DMGDH: variants seen among roughly 807,000 people sequenced by gnomAD.
DMGDH encodes the protein dimethylglycine dehydrogenase, mitochondrial.
A neutral mutation model predicts 95.2 loss-of-function variants in DMGDH; 76 were observed. That is an observed-to-expected ratio of 0.80 (90% CI 0.66 to 0.97). DMGDH has a LOEUF of 0.97. Ranked by LOEUF, DMGDH falls within the 50% of genes least tolerant of loss-of-function variation. The pLI is 0.00. For missense variants in DMGDH, 987 were observed against 1,055.0 expected (o/e 0.94, Z 0.89); for synonymous variants, 345 against 377.6 (o/e 0.91, Z 1.00).
At chr5:79,033,882 T>C (rs1561217906) in intron 7 of DMGDH, among the ~76,000 whole-genome samples, 2 of 152,086 alleles carry the variant, frequency 1.3e-5, no homozygotes, top group East Asian at 3.9e-4. Context: ...CAGTGAGCCA[T>C]ATTCGCACCA....
chr5:79,046,862 A>C (rs553608541), intron 5 of DMGDH, among the ~76,000 whole-genome samples: 35 of 152,326 alleles, frequency 2.3e-4, no homozygotes, highest in African/African-American at 6.5e-4. Flanking sequence ...ATTTGTTTCA[A>C]TTAAAAACAT....
At position 79,055,849 on chromosome 5, in the gene DMGDH, G is replaced by A. The variant is rs1057522402; in HGVS notation, c.336C>T (p.Ser112=). The change falls in exon 3 of 16, where the codon AGC becomes AGT. Residue 112 remains serine, a synonymous_variant. Transcript: ENST00000255189. ...CTTCCAGTTTCTCATAAAGTTTGAT[G>A]CTATCATAATGTATTTTCTTCAAGT... ...GINLKKIHYD[S]IKLYEKLEEE... 1.2e-6 allele frequency: 2 copies of A among 1,612,374 alleles called. No individual in the cohort carries two copies. The highest frequency in any genetic ancestry group is 1.3e-5 in the African/African-American group (1 of 75,006).
intron 14 of DMGDH, among the ~76,000 whole-genome samples, chr5:79,011,803 C>T (rs1010096968): frequency 2.6e-5 from 4 of 152,062 alleles, no homozygotes; most frequent in East Asian, 1.9e-4. Flanking sequence ...CTCACTATTG[C>T]GAGGACAGTA....
At chr5:79,032,665 G>GCAGGTAAAGTCCTTCTCCCA in intron 9 of DMGDH, 22 bp downstream of exon 9, 1 of 1,614,044 alleles carries the variant, frequency 6.2e-7, no homozygotes. Flanking sequence ...AGAACCACAG[G>GCAGGTAAAGTCCTTCTCCCA]CAGGTAAAGT....
chr5:79,001,899 T>C lies in DMGDH; in HGVS notation c.2385+3374A>G, dbSNP rs374500240. 4.3e-4 allele frequency among the ~76,000 whole-genome samples: 65 copies of C among 152,332 alleles called. 1 individual carries two copies. In the East Asian group the frequency reaches 0.011, roughly 25 times the overall value. ...AAATCTCCAGGGAAATGTTTTCCCT[T>C]GCATAAATTTTAAATAGTTCTACCT... is the stretch of plus-strand genomic sequence containing the variant. On this transcript the variant is annotated intron_variant, in intron 15 of 15. Transcript: ENST00000255189.
chr5:79,007,240 T>G (rs1206079716), intron 14 of DMGDH, among the ~76,000 whole-genome samples: 1 of 152,210 alleles, frequency 6.6e-6, no homozygotes, highest in Non-Finnish European at 1.5e-5. Context: ...CAGGCAGAGT[T>G]GACCCTTGAA....
At chr5:79,022,663 A>C (rs1248983485) in intron 14 of DMGDH, among the ~76,000 whole-genome samples, 1 of 152,240 alleles carries the variant, frequency 6.6e-6, no homozygotes, top group Non-Finnish European at 1.5e-5. Flanking sequence ...CTACGTTCTG[A>C]GATGAGCTTT....
intron 11 of DMGDH, among the ~76,000 whole-genome samples, chr5:79,029,180 G>C (rs1754083314): frequency 6.6e-6 from 1 of 152,152 alleles, no homozygotes; most frequent in South Asian, 2.1e-4. Context: ...TTATTGAGCA[G>C]TCCTTGAGCT....
chr5:79,034,979 C>A (rs542960275), intron 7 of DMGDH, among the ~76,000 whole-genome samples: 69 of 144,710 alleles, frequency 4.8e-4, no homozygotes, highest in African/African-American at 1.6e-3. Context: ...ATGGCATGAA[C>A]CTGGGAGGCG....
intron 14 of DMGDH, chr5:79,021,301 ATT>A: frequency 6.5e-6 from 7 of 1,082,048 alleles, no homozygotes; most frequent in Non-Finnish European, 7.9e-6. Context: ...CTGAAATATT[ATT>A]TGTTTCCAGG....
intron 10 of DMGDH, 129 bp downstream of exon 10, chr5:79,030,704 G>A (rs1030380086): frequency 3.0e-5 from 24 of 798,960 alleles, no homozygotes; most frequent in African/African-American, 8.7e-5. Flanking sequence ...TTGTATACTT[G>A]TATACTTTTG....
intron 5 of DMGDH, among the ~76,000 whole-genome samples, chr5:79,045,349 G>A (rs1754640963): frequency 6.6e-6 from 1 of 152,078 alleles, no homozygotes; most frequent in Non-Finnish European, 1.5e-5. Flanking sequence ...TTGCGGAGGT[G>A]AATGTTATTT....
At position 79,026,679 on chromosome 5, in the gene DMGDH, T is replaced by C. The variant is rs1042645607; in HGVS notation, c.2033-98A>G. 6 of 1,532,230 alleles carry C rather than the reference T, an allele frequency of 3.9e-6. No homozygotes were observed. In the Admixed American group the frequency reaches 1.1e-4, roughly 28 times the overall value. The allele number at this position is 1,532,230 out of a possible 1,614,324, so 94.9% of individuals were successfully genotyped here. Reference sequence around the variant, plus strand: ...CACATATAAGCAGGAGAAATTCCACTTATGCAACACAGACATTGTCAGTCT... The same window carrying C: ...CACATATAAGCAGGAGAAATTCCACCTATGCAACACAGACATTGTCAGTCT... On this transcript the variant is annotated intron_variant, in intron 12 of 15. Transcript: ENST00000255189.
chr5:79,029,656 C>T (rs1465114282), intron 11 of DMGDH, among the ~76,000 whole-genome samples: 2 of 149,124 alleles, frequency 1.3e-5, no homozygotes, highest in East Asian at 3.9e-4. Flanking sequence ...GGTTCTGGCA[C>T]ATTGATGATG....
intron 7 of DMGDH, among the ~76,000 whole-genome samples, chr5:79,041,328 T>C (rs1754501027): frequency 6.6e-6 from 1 of 152,182 alleles, no homozygotes; most frequent in African/African-American, 2.4e-5. Flanking sequence ...TTATTATACA[T>C]TAGTTGAATA....
At chr5:79,045,364 C>A (rs1037880008) in intron 5 of DMGDH, among the ~76,000 whole-genome samples, 7 of 151,910 alleles carry the variant, frequency 4.6e-5, no homozygotes, top group African/African-American at 1.4e-4. Context: ...TTATTTTTTT[C>A]ATTTGCAAAA....
intron 6 of DMGDH, among the ~76,000 whole-genome samples, chr5:79,043,840 T>C (rs1754590226): frequency 6.6e-6 from 1 of 152,238 alleles, no homozygotes; most frequent in African/African-American, 2.4e-5. Context: ...AAGTACTCCA[T>C]TTACAGTACC....
chr5:79,012,616 C>T (rs1240263802), intron 14 of DMGDH, among the ~76,000 whole-genome samples: 3 of 152,250 alleles, frequency 2.0e-5, no homozygotes, highest in East Asian at 1.9e-4. Flanking sequence ...TCTACTTGCC[C>T]ATCCAGGCAT....
At chr5:79,045,962 A>G (rs539321019) in intron 5 of DMGDH, among the ~76,000 whole-genome samples, 2 of 152,320 alleles carry the variant, frequency 1.3e-5, no homozygotes, top group South Asian at 2.1e-4. Flanking sequence ...GTTTGTTGCA[A>G]TGGCTAAGTT....
Sources: allele counts gnomAD v4.1 joint callset (sites outside exome capture counted in the v4.1 genomes callset), GRCh38; gene constraint gnomAD v4.1.1; transcripts MANE v1.5; gene names NCBI Gene and HGNC (gene_info 2026-07-23, HGNC 2026-07-21).